NTNG1: variants seen among roughly 807,000 people sequenced by gnomAD.
NTNG1 encodes the protein netrin G1.
In NTNG1, 16 loss-of-function variants were observed where a neutral mutation model predicts 54.0. The ratio of observed to expected loss-of-function variants is 0.30; its 90% CI spans 0.20 to 0.45. The LOEUF (loss-of-function observed/expected upper bound fraction) is 0.45, where lower values mean the gene tolerates loss of function less well. Ranked by LOEUF, NTNG1 falls within the 20% of genes least tolerant of loss-of-function variation. The pLI is 1.00. For missense variants in NTNG1, 530 were observed against 678.7 expected, an observed-to-expected ratio of 0.78 and a Z score of 2.43; for synonymous variants, 255 against 263.1, an observed-to-expected ratio of 0.97 and a Z score of 0.30.
At chr1:107,228,200 T>C (rs776473278) in intron 2 of NTNG1, among the ~76,000 whole-genome samples, 8 of 152,296 alleles carry the variant, frequency 5.3e-5, no homozygotes, top group South Asian at 2.1e-4. Flanking sequence ...AAGACAAAAA[T>C]AGCATTATCC....
chr1:107,354,468 C>CAAAAAA (rs398049560), intron 3 of NTNG1, among the ~76,000 whole-genome samples: 3 of 66,118 alleles, frequency 4.5e-5, no homozygotes, highest in African/African-American at 6.5e-5. Flanking sequence ...GACTCCATCT[C>CAAAAAA]AAAAAAAAAA....
At chr1:107,153,622 G>GTCT (rs1654754903) in intron 2 of NTNG1, among the ~76,000 whole-genome samples, 1 of 152,194 alleles carries the variant, frequency 6.6e-6, no homozygotes, top group Non-Finnish European at 1.5e-5. Flanking sequence ...TTCCAAGGAA[G>GTCT]TCTTTCTCAT....
intron 7 of NTNG1, among the ~76,000 whole-genome samples, chr1:107,454,057 G>T (rs1054670809): frequency 6.6e-6 from 1 of 152,096 alleles, no homozygotes; most frequent in Non-Finnish European, 1.5e-5. Flanking sequence ...ATAGGAACTT[G>T]CAGTGTTCTA....
intron 7 of NTNG1, among the ~76,000 whole-genome samples, chr1:107,445,833 G>A (rs1356462158): frequency 6.6e-6 from 1 of 151,922 alleles, no homozygotes; most frequent in Non-Finnish European, 1.5e-5. Flanking sequence ...CTGTGTTCCG[G>A]TAAAACTTTT....
intron 3 of NTNG1, among the ~76,000 whole-genome samples, chr1:107,354,091 A>G (rs1669789314): frequency 6.6e-6 from 1 of 152,208 alleles, no homozygotes; most frequent in African/African-American, 2.4e-5. Flanking sequence ...AACCATGTCA[A>G]TGACCCTGAA....
intron 2 of NTNG1, among the ~76,000 whole-genome samples, chr1:107,192,477 GC>G (rs1658033342): frequency 6.6e-6 from 1 of 151,902 alleles, no homozygotes; most frequent in African/African-American, 2.4e-5. Context: ...AAACCTCTTG[GC>G]CCCACAATCT....
chr1:107,427,011 T>C (rs907234668), intron 5 of NTNG1, among the ~76,000 whole-genome samples: 8 of 152,132 alleles, frequency 5.3e-5, no homozygotes, highest in African/African-American at 1.9e-4. Flanking sequence ...GAAATGCTAC[T>C]GATTTTTGTA....
chr1:107,460,512 T>C, intron 7 of NTNG1: 1 of 470,652 alleles, frequency 2.1e-6, no homozygotes, highest in Non-Finnish European at 4.3e-6. Context: ...GCCCATGGTT[T>C]AATATTGACT....
intron 3 of NTNG1, among the ~76,000 whole-genome samples, chr1:107,381,723 A>G (rs942479638): frequency 1.3e-5 from 2 of 152,170 alleles, no homozygotes; most frequent in Admixed American, 1.3e-4. Flanking sequence ...CCAAATAGAG[A>G]TTATTTGGCT....
rs549511849 is a variant in NTNG1, at chr1:107,282,157, T to A, written c.247-42125T>A. ...TCAATCATTTCTCACAGTGGAAGTT[T>A]TGTTTTCTTTCAGTTTGACAAAATC... On this transcript the variant is annotated intron_variant, in intron 2 of 7. Coordinates refer to ENST00000370068, the MANE Select transcript of NTNG1 (RefSeq NM_001113226.3). 8.2e-4 allele frequency among the ~76,000 whole-genome samples: 125 copies of A among 152,328 alleles called. 1 individual carries two copies. The highest frequency in any genetic ancestry group is 7.1e-4 in the Non-Finnish European group (48 of 68,034).
At chr1:107,418,599 G>T in intron 5 of NTNG1, 1 of 1,603,732 alleles carries the variant, frequency 6.2e-7, no homozygotes, top group African/African-American at 1.3e-5. Flanking sequence ...AGTTTAATAG[G>T]ATATGGCCGA....
At chr1:107,395,523 C>G in intron 4 of NTNG1, 197 bp downstream of exon 4, 1 of 746,220 alleles carries the variant, frequency 1.3e-6, no homozygotes, top group South Asian at 1.4e-5. Flanking sequence ...ATTCAGTCAT[C>G]TAACATTCAC....
intron 1 of NTNG1, among the ~76,000 whole-genome samples, chr1:107,144,580 C>CT (rs370100157): frequency 6.0e-5 from 9 of 150,638 alleles, no homozygotes; most frequent in South Asian, 2.1e-4. Flanking sequence ...TTTTGGGAGG[C>CT]TTTTTTTTTC....
intron 4 of NTNG1, among the ~76,000 whole-genome samples, 172 bp from the exon 5 acceptor site, chr1:107,407,510 G>A (rs1323061900): frequency 6.6e-6 from 1 of 151,790 alleles, no homozygotes; most frequent in Non-Finnish European, 1.5e-5. Context: ...GTGTGTGTGT[G>A]TATAATGTGT....
intron 2 of NTNG1, among the ~76,000 whole-genome samples, chr1:107,246,151 ATG>A (rs1662182112): frequency 6.6e-6 from 1 of 152,126 alleles, no homozygotes; most frequent in African/African-American, 2.4e-5. Context: ...TCCTGGGTTC[ATG>A]CCATTCTCCT....
Position 107,355,287 on chromosome 1 carries a change from A to T in NTNG1, c.887+30365A>T, listed in dbSNP as rs533536322. Among the ~76,000 whole-genome samples the T allele has an allele frequency of 1.8e-4, 27 of 149,694 alleles. No homozygotes were observed. In the East Asian group the frequency reaches 4.9e-3, roughly 27 times the overall value. ...TTTTAACTTTTTTATTGTTTTTTTT[A>T]ATTGACATCATTCTTTTTACTTTTT... is the stretch of plus-strand genomic sequence containing the variant. On this transcript the variant is annotated intron_variant, in intron 3 of 7. Transcript: ENST00000370068.
At position 107,453,621 on chromosome 1, in the gene NTNG1, G is replaced by A. The variant is rs1030787371; in HGVS notation, c.1390+16822G>A. Among the ~76,000 whole-genome samples the A allele has an allele frequency of 3.3e-5, 5 of 152,184 alleles. No homozygotes were observed. The South Asian group carries it at 8.3e-4, about 25-fold the overall frequency. On this transcript the variant is annotated intron_variant, in intron 7 of 7. Coordinates refer to ENST00000370068, the MANE Select transcript of NTNG1 (RefSeq NM_001113226.3). ...TACTTAAGATTTTCCTGCTGACTAC[G>A]TCTTTCTTTTCAAACTGCCATGACT...
chr1:107,223,605 A>G (rs1344829311), intron 2 of NTNG1, among the ~76,000 whole-genome samples: 1 of 152,166 alleles, frequency 6.6e-6, no homozygotes, highest in African/African-American at 2.4e-5. Flanking sequence ...TATTATGGGC[A>G]GTTTTTATTT....
intron 2 of NTNG1, among the ~76,000 whole-genome samples, chr1:107,182,843 C>G (rs772857406): frequency 6.6e-6 from 1 of 152,132 alleles, no homozygotes; most frequent in Admixed American, 6.5e-5. Context: ...TCCGCTGATT[C>G]GCTGTGATTC....
Sources: allele counts gnomAD v4.1 joint callset (sites outside exome capture counted in the v4.1 genomes callset), GRCh38; gene constraint gnomAD v4.1.1; transcripts MANE v1.5; gene names NCBI Gene and HGNC (gene_info 2026-07-23, HGNC 2026-07-21).